Variants in CDC34 observed in about 807,000 individuals in gnomAD.
CDC34 encodes the protein ubiquitin-conjugating enzyme E2 R1.
CDC34 carries 18 observed loss-of-function variants against 26.8 expected under a neutral mutation model. The observed-to-expected ratio is 0.67, with a 90% CI of 0.47 to 1.00. CDC34 has a LOEUF of 1.00. Ranked by LOEUF, CDC34 falls within the 50% of genes least tolerant of loss-of-function variation. The probability of loss-of-function intolerance (pLI) is 0.00; values close to 1 mark genes in which losing one functional copy is unlikely to be tolerated. For missense variants in CDC34, 280 were observed against 334.5 expected (o/e 0.84, Z 1.27); for synonymous variants, 178 against 147.5 (o/e 1.21, Z -1.50).
At position 541,211 on chromosome 19, in the gene CDC34, G is replaced by C. The variant is rs1006938863; in HGVS notation, c.498-128G>C. The C allele has an allele frequency of 5.7e-6, 7 of 1,232,762 alleles. No individual in the cohort carries two copies. In the African/African-American group the frequency reaches 7.7e-5, roughly 14 times the overall value. The allele number at this position is 1,232,762 out of a possible 1,614,324, so 76.4% of individuals were successfully genotyped here. On this transcript the variant is annotated intron_variant, in intron 4 of 4. Coordinates refer to ENST00000215574, the MANE Select transcript of CDC34 (RefSeq NM_004359.2). ...CCTCACGCACAGGGCTTTGTCCTAA[G>C]TGGTCGCCACACGCCGTTTTAAGAG...
At chr19:539,920 T>A (rs963955002) in intron 4 of CDC34, among the ~76,000 whole-genome samples, 19 of 152,228 alleles carry the variant, frequency 1.2e-4, no homozygotes, top group African/African-American at 4.6e-4. Flanking sequence ...TCCAGGAAGT[T>A]TGAGCTAACT....
In CDC34 at chr19:537,175, G is replaced by A. The variant is rs776869859; in HGVS notation, c.497+28G>A. On this transcript the variant is annotated intron_variant, in intron 4 of 4. Coordinates refer to ENST00000215574, the MANE Select transcript of CDC34 (RefSeq NM_004359.2). The stretch of plus-strand genomic sequence containing the variant: ...GAGGGCGGGCGGGGGCGTCACGGGA[G>A]GAGAGACTCAGATCCGGCCTGCACC... The A allele has an allele frequency of 5.6e-6, 9 of 1,610,350 alleles. No individual in the cohort carries two copies. The East Asian group carries it at 2.0e-4, about 36-fold the overall frequency.
At position 541,637 on chromosome 19, in the gene CDC34, T is replaced by C. The variant is rs1478135183; in HGVS notation, c.*85T>C. Reference sequence around the variant, plus strand: ...ACGACAGACTACCTCACGGAGGTTTTGTGCTGGTCCCCGTCTCCTCTGGTT... The same window carrying C: ...ACGACAGACTACCTCACGGAGGTTTCGTGCTGGTCCCCGTCTCCTCTGGTT... On this transcript the variant is annotated 3_prime_UTR_variant, in exon 5 of 5. Transcript: ENST00000215574. The C allele has an allele frequency of 1.4e-6, 2 of 1,419,522 alleles. No individual in the cohort carries two copies. Among genetic ancestry groups the C allele is most frequent in the East Asian group, 2.5e-5 (1 of 40,322 alleles). 87.9% of individuals were successfully genotyped at this position (1,419,522 alleles called of 1,614,324 possible). A position where few individuals can be genotyped will look rare whatever the true frequency, so the allele number is the denominator to read the frequency against.
Position 537,012 on chromosome 19 carries a change from G to C in CDC34, c.363-1G>C. ...CCCACTCCGACCCACTCTCCCCACAGGACCATTCTCCTGAGTGTGATCTCC... is the reference window on the plus strand; with the variant it reads ...CCCACTCCGACCCACTCTCCCCACACGACCATTCTCCTGAGTGTGATCTCC... On this transcript the variant is annotated splice_acceptor_variant, in intron 3 of 4. Transcript: ENST00000215574. LOFTEE classifies it high-confidence loss of function. 1 of 1,613,596 alleles carries C rather than the reference G, an allele frequency of 6.2e-7. No individual in the cohort carries two copies.
intron 4 of CDC34, among the ~76,000 whole-genome samples, chr19:538,301 T>C (rs1201831576): frequency 1.3e-5 from 2 of 151,958 alleles, no homozygotes; most frequent in South Asian, 2.1e-4. Context: ...CGGCGCCTTC[T>C]GTACCTGCAG....
chr19:536,876 C>T, intron 3 of CDC34, 137 bp from the exon 4 acceptor site: 1 of 920,474 alleles, frequency 1.1e-6, no homozygotes, highest in Non-Finnish European at 1.7e-6. Flanking sequence ...GGGCCTGAGA[C>T]AGAAGCAGAG....
chr19:536,555 C>T, intron 3 of CDC34: 1 of 584,788 alleles, frequency 1.7e-6, no homozygotes, highest in Non-Finnish European at 3.1e-6. Flanking sequence ...GTGCAGACTC[C>T]CACCAGGACC....
At chr19:532,132 G>C (rs761826244) in intron 1 of CDC34, 24 bp downstream of exon 1, 2 of 1,476,446 alleles carry the variant, frequency 1.4e-6, no homozygotes, top group Non-Finnish European at 1.8e-6. Flanking sequence ...CCCCCGCCCG[G>C]GTCCCGGAGC....
chr19:536,941 C>T (rs996524680), intron 3 of CDC34, 72 bp from the exon 4 acceptor site: 7 of 1,593,340 alleles, frequency 4.4e-6, no homozygotes, highest in Middle Eastern at 1.7e-4. Context: ...TCCCCGTGAC[C>T]CTCAGGGCCA....
intron 1 of CDC34, among the ~76,000 whole-genome samples, chr19:533,377 G>A (rs954876360): frequency 1.3e-5 from 2 of 152,252 alleles, no homozygotes; most frequent in African/African-American, 2.4e-5. Flanking sequence ...GCTAATTAGT[G>A]TCTGAACCGC....
chr19:538,599 T>G (rs16990600), intron 4 of CDC34: 51,206 of 604,306 alleles, frequency 0.085, 2,356 homozygotes, highest in Middle Eastern at 0.14. Flanking sequence ...CTATTTTTGT[T>G]GGTATTTTGT....
intron 4 of CDC34, 106 bp downstream of exon 4, chr19:537,253 G>T (rs1337717338): frequency 2.1e-5 from 28 of 1,320,290 alleles, no homozygotes; most frequent in Non-Finnish European, 2.9e-5. Context: ...GAGGGTGGCG[G>T]AGCTTCCTGG....
rs1364341003 is a variant in CDC34, at chr19:540,043, C to T, written c.498-1296C>T. On this transcript the variant is annotated intron_variant, in intron 4 of 4. Transcript: ENST00000215574. ...AATCCGGAGGCCGGGGTGGCCAGGC[C>T]CCCCACGTTTAGAATCCGGAGGCCG... 4.3e-4 allele frequency among the ~76,000 whole-genome samples: 22 copies of T among 51,696 alleles called. 1 individual carries two copies. The highest frequency in any genetic ancestry group is 0.013 in the Middle Eastern group (1 of 78). The allele number at this position is 51,696 out of a possible 152,430, so 33.9% of individuals were successfully genotyped here.
Position 539,992 on chromosome 19 carries a change from C to T in CDC34, c.498-1347C>T, listed in dbSNP as rs1320966571. Among the ~76,000 whole-genome samples, 41 of 141,968 alleles carry T rather than the reference C, an allele frequency of 2.9e-4. No individual in the cohort carries two copies. In the South Asian group the frequency reaches 4.7e-3, roughly 16 times the overall value. 93.1% of individuals were successfully genotyped at this position (141,968 alleles called of 152,430 possible). A position where few individuals can be genotyped will look rare whatever the true frequency, so the allele number is the denominator to read the frequency against. ...CCCCCCAGGTTTAGAATCCGGAGGC[C>T]GGGGTGGCCAGGCCCCCAGGTTTAG... On this transcript the variant is annotated intron_variant, in intron 4 of 4. Coordinates refer to ENST00000215574, the MANE Select transcript of CDC34 (RefSeq NM_004359.2).
intron 1 of CDC34, among the ~76,000 whole-genome samples, chr19:532,478 C>G (rs370729651): frequency 6.6e-6 from 1 of 152,232 alleles, no homozygotes; most frequent in South Asian, 2.1e-4. Flanking sequence ...GCTGCCTCCC[C>G]CTCCGCCCCT....
intron 1 of CDC34, among the ~76,000 whole-genome samples, chr19:532,938 C>T (rs1184149980): frequency 1.3e-5 from 2 of 152,190 alleles, no homozygotes; most frequent in East Asian, 1.9e-4. Flanking sequence ...GTCCACTGAA[C>T]AGGTGGCTTC....
intron 4 of CDC34, among the ~76,000 whole-genome samples, chr19:539,439 C>CG (rs1314095644): frequency 6.6e-6 from 1 of 152,210 alleles, no homozygotes; most frequent in African/African-American, 2.4e-5. Context: ...CAGTCACCCC[C>CG]CCAGCCCATC....
At chr19:538,962 G>A (rs1979889102) in intron 4 of CDC34, 1 of 985,296 alleles carries the variant, frequency 1.0e-6, no homozygotes, top group Non-Finnish European at 1.2e-6. Flanking sequence ...GTTCTTCCCG[G>A]CCACCTCCCT....
chr19:541,760 G>C lies in CDC34; in HGVS notation c.*208G>C. 1 of 477,754 alleles carries C rather than the reference G, an allele frequency of 2.1e-6. No individual in the cohort carries two copies. The highest frequency in any genetic ancestry group is 4.1e-5 in the Admixed American group (1 of 24,658). 29.6% of individuals were successfully genotyped at this position (477,754 alleles called of 1,614,324 possible). A position where few individuals can be genotyped will look rare whatever the true frequency, so the allele number is the denominator to read the frequency against. On this transcript the variant is annotated 3_prime_UTR_variant, in exon 5 of 5. Coordinates refer to ENST00000215574, the MANE Select transcript of CDC34 (RefSeq NM_004359.2). ...CCCACCGCCACTCACGTCACTCGGGGCTCGGTGGACGGGCCCAGGGTGGGA... is the reference window on the plus strand; with the variant it reads ...CCCACCGCCACTCACGTCACTCGGGCCTCGGTGGACGGGCCCAGGGTGGGA...
Sources: allele counts gnomAD v4.1 joint callset (sites outside exome capture counted in the v4.1 genomes callset), GRCh38; gene constraint gnomAD v4.1.1; transcripts MANE v1.5; gene names NCBI Gene and HGNC (gene_info 2026-07-23, HGNC 2026-07-21).